TNRC6C: variants seen among roughly 807,000 people sequenced by gnomAD.
TNRC6C encodes trinucleotide repeat containing adaptor 6C.
TNRC6C carries 20 observed loss-of-function variants against 153.7 expected under a neutral mutation model. The observed-to-expected ratio is 0.13, with a 90% CI of 0.09 to 0.19. The LOEUF (loss-of-function observed/expected upper bound fraction) is 0.19, where lower values mean the gene tolerates loss of function less well. TNRC6C is among the 10% of genes least tolerant of loss of function. The pLI, the probability that TNRC6C is intolerant of heterozygous loss-of-function variation, is 1.00. For synonymous variants in TNRC6C, 811 were observed against 841.4 expected, an observed-to-expected ratio of 0.96 and a Z score of 0.63; for missense variants, 1,987 against 2,172.0, an observed-to-expected ratio of 0.91 and a Z score of 1.69.
Position 78,049,763 on chromosome 17 carries a change from C to T in TNRC6C, c.701C>T (p.Ser234Phe). The change falls in exon 3 of 20, where the codon TCT (serine) becomes TTT (phenylalanine). Residue 234 changes from serine to phenylalanine, a missense_variant. This residue lies in a region of TNRC6C where 1,052 missense variants were observed against 1,017.0 expected (regional missense o/e 1.03). Coordinates refer to ENST00000301624, the Ensembl canonical transcript of TNRC6C. The surrounding 1 kb of genome is among the most constrained non-coding windows in gnomAD (Gnocchi z 4.1). ...CCTGGTGCTAATGGATCATCAGTTT[C>T]TCAAGTCAGTGGGGGCAGTGCTGAA... is the stretch of plus-strand genomic sequence containing the variant. The T allele has an allele frequency of 6.3e-7, 1 of 1,589,706 alleles. No homozygotes were observed. The highest frequency in any genetic ancestry group is 8.6e-7 in the Non-Finnish European group (1 of 1,166,110).
chr17:78,058,270 C>T (rs1340901685), intron 3 of TNRC6C, among the ~76,000 whole-genome samples: 7 of 152,190 alleles, frequency 4.6e-5, no homozygotes, highest in Non-Finnish European at 5.9e-5. Flanking sequence ...GCAAACATAG[C>T]ATTTATGTGT....
chr17:78,077,630 C>G (rs2073107493), intron 9 of TNRC6C: 1 of 416,748 alleles, frequency 2.4e-6, no homozygotes. Flanking sequence ...GCACAGTGGT[C>G]TTCGGCTGCC....
At chr17:77,984,291 C>A (rs1272514328) in intron 1 of TNRC6C, among the ~76,000 whole-genome samples, 2 of 150,466 alleles carry the variant, frequency 1.3e-5, no homozygotes, top group Non-Finnish European at 3.0e-5. Context: ...GAAACCGAGG[C>A]AGGATTGCTT....
intron 1 of TNRC6C, among the ~76,000 whole-genome samples, chr17:77,959,838 C>T (rs1390262091): frequency 6.6e-6 from 1 of 152,160 alleles, no homozygotes; most frequent in African/African-American, 2.4e-5. Flanking sequence ...ATAACGTAAC[C>T]CGAGCGCCTG....
Position 78,049,405 on chromosome 17 carries a change from G to A in TNRC6C, c.343G>A (p.Glu115Lys). 1 of 1,614,004 alleles carries A rather than the reference G, an allele frequency of 6.2e-7. No individual in the cohort carries two copies. Among genetic ancestry groups the A allele is most frequent in the Non-Finnish European group, 8.5e-7 (1 of 1,179,866 alleles). ...AGCTGCCTGGCCTGTACTTGGACAT[G>A]AAGGAACCGTGGCGACAGGCAACCC... Residue 115 changes from glutamate (E) to lysine (K), a missense_variant, in exon 3 of 20, where the codon GAA becomes AAA. Glu to Lys is a moderately conservative substitution (Grantham distance 56). Coordinates refer to ENST00000301624, the Ensembl canonical transcript of TNRC6C. The surrounding 1 kb of genome is among the most constrained non-coding windows in gnomAD (Gnocchi z 4.1).
chr17:78,036,704 A>G (rs111255480), intron 2 of TNRC6C, among the ~76,000 whole-genome samples: 12,325 of 152,160 alleles, frequency 0.081, 633 homozygotes, highest in East Asian at 0.18. Flanking sequence ...CAGGTGGATC[A>G]CCTGAGGTCA....
intron 13 of TNRC6C, among the ~76,000 whole-genome samples, chr17:78,088,409 T>G (rs1285733835): frequency 6.6e-6 from 1 of 152,038 alleles, no homozygotes; most frequent in Non-Finnish European, 1.5e-5. Flanking sequence ...CTTTCTTTTT[T>G]TTTTGGTAGA....
At position 78,049,704 on chromosome 17, in the gene TNRC6C, G is replaced by A. The variant is rs1358573665; in HGVS notation, c.642G>A (p.Met214Ile). 5 of 1,604,572 alleles carry A rather than the reference G, an allele frequency of 3.1e-6. No homozygotes were observed. Among genetic ancestry groups the A allele is most frequent in the Middle Eastern group, 1.7e-4 (1 of 6,050 alleles). ...CAAACTGGGGCATGGCTGTTGGTAT[G>A]GGGGCCATCATCCCGCCCCACCTGC... The change falls in exon 3 of 20, where the codon ATG becomes ATA. Residue 214 changes from methionine to isoleucine, a missense_variant. This residue lies in a region of TNRC6C where 1,052 missense variants were observed against 1,017.0 expected (regional missense o/e 1.03). Coordinates refer to ENST00000301624, the Ensembl canonical transcript of TNRC6C. This position sits in a 1 kb window ranked among gnomAD's most constrained non-coding sequence, Gnocchi z 4.1.
intron 3 of TNRC6C, among the ~76,000 whole-genome samples, chr17:78,053,352 G>A (rs112838966): frequency 2.0e-5 from 3 of 152,094 alleles, no homozygotes; most frequent in South Asian, 2.1e-4. Context: ...AGATTAGGTC[G>A]GGCGTGGTGG....
intron 13 of TNRC6C, among the ~76,000 whole-genome samples, chr17:78,088,506 GAC>G (rs2073337015): frequency 1.3e-5 from 2 of 152,210 alleles, no homozygotes; most frequent in African/African-American, 2.4e-5. Context: ...ACAGGCCTGA[GAC>G]ACCATACTGA....
Position 78,102,549 on chromosome 17 carries a change from A to C in TNRC6C, c.4572+5A>C. On this transcript the variant is annotated splice_donor_5th_base_variant and intron_variant, in intron 18 of 19. Coordinates refer to ENST00000301624, the Ensembl canonical transcript of TNRC6C. Reference sequence around the variant, plus strand: ...CTTCGAAACCTCACTCCCCAGGTGCAATATGGTGCCCCTGCATCACTGAGC... The same window carrying C: ...CTTCGAAACCTCACTCCCCAGGTGCCATATGGTGCCCCTGCATCACTGAGC... The C allele has an allele frequency of 6.3e-7, 1 of 1,597,134 alleles. No individual in the cohort carries two copies. Among genetic ancestry groups the C allele is most frequent in the Non-Finnish European group, 8.5e-7 (1 of 1,171,728 alleles).
At chr17:78,006,829 T>TA (rs1491337145) in intron 1 of TNRC6C, among the ~76,000 whole-genome samples, 1 of 132,494 alleles carries the variant, frequency 7.5e-6, no homozygotes, top group Non-Finnish European at 1.6e-5. Context: ...TATTTATTTA[T>TA]TTTTTTTTTT....
rs758542586 is a variant in TNRC6C at position 78,049,104 on chromosome 17, C to G, written c.42C>G (p.Thr14=). ...CCCAGGGCAACTTCACTGGACATAC[C>G]AAGAAGACAAATGGCAATAATGGCA... Residue 14 remains threonine, a synonymous_variant, in exon 3 of 20, where the codon ACC becomes ACG. Coordinates refer to ENST00000301624, the Ensembl canonical transcript of TNRC6C. This position sits in a 1 kb window ranked among gnomAD's most constrained non-coding sequence, Gnocchi z 4.1. The G allele has an allele frequency of 8.2e-6, 13 of 1,577,912 alleles. No individual in the cohort carries two copies. The highest frequency in any genetic ancestry group is 1.0e-5 in the Non-Finnish European group (12 of 1,161,444).
chr17:78,054,118 G>A (rs930887388), intron 3 of TNRC6C, among the ~76,000 whole-genome samples: 1 of 152,158 alleles, frequency 6.6e-6, no homozygotes, highest in African/African-American at 2.4e-5. Flanking sequence ...GTTGTAGGAC[G>A]ATGGTAAGTA....
chr17:78,101,936 G>T (rs564421328), intron 17 of TNRC6C, among the ~76,000 whole-genome samples: 11 of 151,912 alleles, frequency 7.2e-5, no homozygotes, highest in African/African-American at 2.4e-4. Context: ...CAGTTTTGGG[G>T]CCAGTTTAAT....
chr17:77,983,708 TG>T (rs1409658212), intron 1 of TNRC6C, among the ~76,000 whole-genome samples: 4 of 152,212 alleles, frequency 2.6e-5, no homozygotes, highest in Non-Finnish European at 4.4e-5. Flanking sequence ...AAGCAAGGAT[TG>T]TAGTAACTTA....
At chr17:77,990,542 A>T (rs2071234643) in intron 1 of TNRC6C, among the ~76,000 whole-genome samples, 1 of 152,064 alleles carries the variant, frequency 6.6e-6, no homozygotes, top group Admixed American at 6.5e-5. Context: ...CTGTTGTGCC[A>T]CCAGGTCTCC....
rs371793151 is a variant in TNRC6C at position 77,974,111 on chromosome 17, C to A, written c.-38+14843C>A. 1.1e-4 allele frequency among the ~76,000 whole-genome samples: 17 copies of A among 151,684 alleles called. No homozygotes were observed. The East Asian group carries it at 2.3e-3, about 21-fold the overall frequency. ...GAAAAAGAATGGAGGTAAAACAGAA[C>A]ATGAAAAGTTAAAACAGGCTGAAGG... On this transcript the variant is annotated intron_variant, in intron 1 of 22. Coordinates refer to the TNRC6C transcript ENST00000636222.
intron 1 of TNRC6C, among the ~76,000 whole-genome samples, chr17:77,982,672 AAAT>A (rs1172156809): frequency 2.0e-5 from 3 of 152,114 alleles, no homozygotes; most frequent in Admixed American, 2.0e-4. Flanking sequence ...TCTCTACTAA[AAAT>A]AAAAAATCAG....
Sources: allele counts gnomAD v4.1 joint callset (sites outside exome capture counted in the v4.1 genomes callset), GRCh38; gene constraint gnomAD v4.1.1; regional missense constraint gnomAD v4.1.1; non-coding constraint Gnocchi (gnomAD v3.1); transcripts MANE v1.5; gene names NCBI Gene and HGNC (gene_info 2026-07-23, HGNC 2026-07-21).